The following FCF1 variants were observed in gnomAD, a reference collection of about 807,000 sequenced individuals.
FCF1 encodes the protein FCF1 rRNA-processing protein.
A neutral mutation model predicts 32.5 loss-of-function variants in FCF1; 17 were observed. The observed-to-expected ratio is 0.52, with a 90% CI of 0.36 to 0.78. The LOEUF is 0.78. FCF1 is among the 30% of genes least tolerant of loss of function. FCF1 has a pLI of 0.00. For missense variants in FCF1, 201 were observed against 241.1 expected, an observed-to-expected ratio of 0.83 and a Z score of 1.10; for synonymous variants, 84 against 78.4, an observed-to-expected ratio of 1.07 and a Z score of -0.38.
chr14:74,713,966 T>C (rs1173525363), intron 2 of FCF1, among the ~76,000 whole-genome samples: 1 of 152,216 alleles, frequency 6.6e-6, no homozygotes, highest in Non-Finnish European at 1.5e-5. Flanking sequence ...GGTACTCAAA[T>C]ATTTTTGTCA....
chr14:74,723,555 C>G (rs2090534782), intron 5 of FCF1, among the ~76,000 whole-genome samples: 1 of 151,824 alleles, frequency 6.6e-6, no homozygotes, highest in South Asian at 2.1e-4. Flanking sequence ...AATATCTTGT[C>G]CGGGCTCGGT....
At position 74,713,184 on chromosome 14, in the gene FCF1, A is replaced by G; in HGVS notation, c.-14A>G. 1 of 1,614,234 alleles carries G rather than the reference A, an allele frequency of 6.2e-7. No homozygotes were observed. The highest frequency in any genetic ancestry group is 8.5e-7 in the Non-Finnish European group (1 of 1,180,044). The stretch of plus-strand genomic sequence containing the variant: ...CGTTGGTGATTACGGAAGAACCAGG[A>G]GTTTGGCGTGACCATGGTGAGAGAA... On this transcript the variant is annotated 5_prime_UTR_variant, in exon 1 of 8. Coordinates refer to ENST00000341162, the MANE Select transcript of FCF1 (RefSeq NM_015962.5).
At chr14:74,729,192 T>C (rs1375164716) in intron 5 of FCF1, among the ~76,000 whole-genome samples, 1 of 152,214 alleles carries the variant, frequency 6.6e-6, no homozygotes, top group African/African-American at 2.4e-5. Flanking sequence ...AGTTCCTCCT[T>C]GTACCTGTGG....
chr14:74,737,870 C>G lies in FCF1; in HGVS notation c.*2940C>G, dbSNP rs964569416. The G allele has an allele frequency of 9.2e-5, 14 of 152,070 alleles. No homozygotes were observed. The highest frequency in any genetic ancestry group is 3.1e-4 in the African/African-American group (13 of 41,376). The allele number at this position is 152,070 out of a possible 1,614,324, so 9.4% of individuals were successfully genotyped here. ...AGGCATGGTGGCAAATGCCTGTATT[C>G]CCAGCTACTCTGGAGGCTGAGGCAG... is the stretch of plus-strand genomic sequence containing the variant. On this transcript the variant is annotated 3_prime_UTR_variant, in exon 8 of 8. Transcript: ENST00000341162.
Position 74,734,845 on chromosome 14 carries a change from A to G in FCF1, c.549-37A>G, listed in dbSNP as rs780901585. 1.4e-5 allele frequency: 23 copies of G among 1,589,012 alleles called. No individual in the cohort carries two copies. The East Asian group carries it at 2.9e-4, about 20-fold the overall frequency. Reference sequence around the variant, plus strand: ...GGGTTTTTAGATGGGTTCTCTTCCCATCTTTCTTACCGGTGTTGATTTTTT... The same window carrying G: ...GGGTTTTTAGATGGGTTCTCTTCCCGTCTTTCTTACCGGTGTTGATTTTTT... On this transcript the variant is annotated intron_variant, in intron 7 of 7. Coordinates refer to ENST00000341162, the MANE Select transcript of FCF1 (RefSeq NM_015962.5).
chr14:74,723,947 T>C (rs970292127), intron 5 of FCF1, among the ~76,000 whole-genome samples: 3 of 152,230 alleles, frequency 2.0e-5, no homozygotes, highest in Non-Finnish European at 4.4e-5. Context: ...GGGCTTATTT[T>C]CAAAATGCAT....
At chr14:74,713,228 G>T (rs756167066) in intron 1 of FCF1, 28 bp downstream of exon 1, 6 of 1,614,212 alleles carry the variant, frequency 3.7e-6, no homozygotes. Flanking sequence ...AAGAAGGGAC[G>T]TTATCAGGCC....
intron 3 of FCF1, 28 bp downstream of exon 3, chr14:74,714,971 C>T (rs2090397501): frequency 6.4e-7 from 1 of 1,566,528 alleles, no homozygotes; most frequent in African/African-American, 1.4e-5. Flanking sequence ...TGAAGTTTTC[C>T]TTTAAAACCA....
chr14:74,728,634 C>A (rs954992197), intron 5 of FCF1, among the ~76,000 whole-genome samples: 1 of 151,806 alleles, frequency 6.6e-6, no homozygotes. Flanking sequence ...ACTTCCAACA[C>A]TATGTTGAAT....
intron 4 of FCF1, among the ~76,000 whole-genome samples, chr14:74,720,829 T>C (rs959561302): frequency 2.6e-5 from 4 of 151,914 alleles, no homozygotes; most frequent in African/African-American, 9.7e-5. Context: ...TATTTATTTA[T>C]GTTTTGTAGA....
At chr14:74,715,093 T>C (rs2090400900) in intron 3 of FCF1, 150 bp downstream of exon 3, 4 of 771,126 alleles carry the variant, frequency 5.2e-6, no homozygotes, top group African/African-American at 3.7e-5. Flanking sequence ...ATATCAATTC[T>C]AGTGGTTTGA....
At chr14:74,715,840 T>C (rs1310249070) in intron 3 of FCF1, 111 bp from the exon 4 acceptor site, 5 of 1,608,248 alleles carry the variant, frequency 3.1e-6, no homozygotes, top group Non-Finnish European at 4.2e-6. Flanking sequence ...CCAATGAACA[T>C]GGACAAAAGA....
chr14:74,735,163 T>G lies in FCF1; in HGVS notation c.*233T>G. On this transcript the variant is annotated 3_prime_UTR_variant, in exon 8 of 8. Transcript: ENST00000341162. Reference sequence around the variant, plus strand: ...GTGGGGCCGCGGGGGTTGGGGGGAATCTGTGCAGGGGGAAGCATATTACAG... The same window carrying G: ...GTGGGGCCGCGGGGGTTGGGGGGAAGCTGTGCAGGGGGAAGCATATTACAG... The G allele has an allele frequency of 2.1e-6, 1 of 475,276 alleles. No individual in the cohort carries two copies. Among genetic ancestry groups the G allele is most frequent in the Non-Finnish European group, 3.8e-6 (1 of 264,634 alleles). The allele number at this position is 475,276 out of a possible 1,614,324, so 29.4% of individuals were successfully genotyped here.
intron 5 of FCF1, among the ~76,000 whole-genome samples, chr14:74,725,571 T>C (rs1201634299): frequency 1.3e-5 from 2 of 149,326 alleles, no homozygotes; most frequent in Non-Finnish European, 3.0e-5. Context: ...GGAGGATCGC[T>C]GGAGCCCAGG....
chr14:74,722,131 C>T (rs1043978674), intron 4 of FCF1, among the ~76,000 whole-genome samples: 1 of 151,014 alleles, frequency 6.6e-6, no homozygotes, highest in African/African-American at 2.4e-5. Flanking sequence ...TCATTGCAAC[C>T]TCCATCTGCT....
chr14:74,713,368 G>C lies in FCF1; in HGVS notation c.4-117G>C, dbSNP rs1292927407. 2.2e-5 allele frequency: 34 copies of C among 1,549,278 alleles called. No homozygotes were observed. The South Asian group carries it at 3.8e-4, about 17-fold the overall frequency. On this transcript the variant is annotated intron_variant, in intron 1 of 7. Coordinates refer to ENST00000341162, the MANE Select transcript of FCF1 (RefSeq NM_015962.5). ...TGACTGTTATGCTTTACAGAGTGGG[G>C]AAGAGGGTCTGGGTTATTTGAGGCA...
At chr14:74,730,308 G>T (rs1290845137) in intron 5 of FCF1, among the ~76,000 whole-genome samples, 1 of 150,564 alleles carries the variant, frequency 6.6e-6, no homozygotes, top group Non-Finnish European at 1.5e-5. Flanking sequence ...GACCTCTCCG[G>T]CTCAAGTGAT....
chr14:74,723,616 G>A (rs186568881), intron 5 of FCF1, among the ~76,000 whole-genome samples: 6 of 152,026 alleles, frequency 3.9e-5, no homozygotes, highest in Admixed American at 3.9e-4. Flanking sequence ...ATCACCTGAG[G>A]TCAGGAGTCC....
Position 74,714,853 on chromosome 14 carries a change from T to G in FCF1, c.72-19T>G. The G allele has an allele frequency of 6.5e-7, 1 of 1,549,828 alleles. No individual in the cohort carries two copies. The highest frequency in any genetic ancestry group is 1.2e-5 in the South Asian group (1 of 80,434). ...GGTTTTTCTTCTCCCTTGGATTTAA[T>G]TTACCTTTTTCTTCCTAGTAAAGAA... On this transcript the variant is annotated intron_variant, in intron 2 of 7. Coordinates refer to ENST00000341162, the MANE Select transcript of FCF1 (RefSeq NM_015962.5).
Sources: gnomAD v4.1 joint callset for allele counts (sites outside exome capture counted in the v4.1 genomes callset) on GRCh38, gnomAD v4.1.1 for gene constraint, MANE v1.5 for transcripts, NCBI Gene and HGNC (gene_info 2026-07-23, HGNC 2026-07-21) for gene names.